GLIS3: variants seen among roughly 807,000 people sequenced by gnomAD.
GLIS3 encodes the protein GLIS family zinc finger 3.
Under a neutral mutation model 78.6 loss-of-function variants are expected in GLIS3, and 53 were observed. That is an observed-to-expected ratio of 0.67 (90% CI 0.54 to 0.85). The LOEUF (loss-of-function observed/expected upper bound fraction) is 0.85, where lower values mean the gene tolerates loss of function less well. Among genes scored for constraint, GLIS3 ranks in the 40% least tolerant of loss-of-function variants. The pLI, the probability that GLIS3 is intolerant of heterozygous loss-of-function variation, is 0.00. For synonymous variants in GLIS3, 684 were observed against 509.9 expected, an observed-to-expected ratio of 1.34 and a Z score of -4.60; for missense variants, 1,703 against 1,231.1, an observed-to-expected ratio of 1.38 and a Z score of -5.74.
At chr9:4,050,313 T>G (rs994428026) in intron 4 of GLIS3, among the ~76,000 whole-genome samples, 1 of 152,178 alleles carries the variant, frequency 6.6e-6, no homozygotes, top group Non-Finnish European at 1.5e-5. Flanking sequence ...TGGATGAAGC[T>G]GGAAACCATT....
chr9:3,964,027 C>A (rs1300536949), intron 4 of GLIS3, among the ~76,000 whole-genome samples: 1 of 152,080 alleles, frequency 6.6e-6, no homozygotes, highest in African/African-American at 2.4e-5. Flanking sequence ...ACTGCGTCCC[C>A]GCACACTAAC....
rs190213320 is a variant in GLIS3, at chr9:3,960,730, G to A, written c.1711-23541C>T. ...TGGGCAGATGAGAGAAAACTAGCACGTGGTGAATCAACAGAATTCACCAGT... is the reference window on the plus strand; with the variant it reads ...TGGGCAGATGAGAGAAAACTAGCACATGGTGAATCAACAGAATTCACCAGT... On this transcript the variant is annotated intron_variant, in intron 4 of 10. Transcript: ENST00000381971. Among the ~76,000 whole-genome samples, 494 of 152,290 alleles carry A rather than the reference G, an allele frequency of 3.2e-3. 5 individuals are homozygous for A. The highest frequency in any genetic ancestry group is 0.01 in the African/African-American group (421 of 41,550).
intron 2 of GLIS3, among the ~76,000 whole-genome samples, chr9:4,190,152 C>G (rs1326657968): frequency 6.6e-6 from 1 of 152,210 alleles, no homozygotes; most frequent in Non-Finnish European, 1.5e-5. Flanking sequence ...GAACGCAGCT[C>G]CTCACCAGCA....
the GLIS3 span, among the ~76,000 whole-genome samples, chr9:4,403,681 T>C: frequency 6.6e-6 from 1 of 152,082 alleles, no homozygotes; most frequent in Non-Finnish European, 1.5e-5. Context: ...AAAATAGTAT[T>C]TGCAAGACTC....
intron 2 of GLIS3, chr9:4,145,141 ACT>A (rs551521076): frequency 2.0e-5 from 3 of 152,312 alleles, no homozygotes; most frequent in Admixed American, 2.0e-4. Flanking sequence ...GGCTCTGAAA[ACT>A]GGTGAATCAA....
intron 2 of GLIS3, among the ~76,000 whole-genome samples, chr9:4,329,555 G>A (rs1455291839): frequency 6.6e-6 from 1 of 152,244 alleles, no homozygotes. Flanking sequence ...AGGCTAGAAA[G>A]CATTTAATAA....
At chr9:4,010,029 T>C (rs757318373) in intron 4 of GLIS3, among the ~76,000 whole-genome samples, 8 of 152,190 alleles carry the variant, frequency 5.3e-5, no homozygotes, top group East Asian at 3.9e-4. Context: ...TAATTCTTCA[T>C]TGTGGCGGGG....
chr9:4,404,343 G>C, the GLIS3 span, among the ~76,000 whole-genome samples: 1 of 152,048 alleles, frequency 6.6e-6, no homozygotes, highest in African/African-American at 2.4e-5. Flanking sequence ...ATAAACATTG[G>C]ACTAAATCTG....
intron 2 of GLIS3, among the ~76,000 whole-genome samples, chr9:4,250,503 C>G (rs968143430): frequency 3.9e-5 from 6 of 152,040 alleles, no homozygotes; most frequent in Non-Finnish European, 8.8e-5. Flanking sequence ...TGATTATTCT[C>G]TCTTTTCTTA....
the GLIS3 span, among the ~76,000 whole-genome samples, chr9:4,481,828 A>C: frequency 1.3e-5 from 2 of 152,218 alleles, no homozygotes; most frequent in African/African-American, 4.8e-5. Flanking sequence ...CTAATTGCCT[A>C]ACTGTCCTCA....
chr9:4,069,760 G>T (rs112169551), intron 4 of GLIS3, among the ~76,000 whole-genome samples: 1 of 152,028 alleles, frequency 6.6e-6, no homozygotes, highest in African/African-American at 2.4e-5. Flanking sequence ...CAGCTGTTTT[G>T]TTATTTTGCC....
At chr9:3,962,698 G>C (rs1361688149) in intron 4 of GLIS3, among the ~76,000 whole-genome samples, 5 of 152,138 alleles carry the variant, frequency 3.3e-5, no homozygotes, top group Non-Finnish European at 5.9e-5. Context: ...GGAGAAACAA[G>C]AGAAAGGGGG....
At chr9:4,086,519 A>G (rs1829033505) in intron 4 of GLIS3, among the ~76,000 whole-genome samples, 2 of 152,262 alleles carry the variant, frequency 1.3e-5, no homozygotes, top group Admixed American at 1.3e-4. Flanking sequence ...GGTGAATTCA[A>G]TAAAATTGAA....
At chr9:4,089,502 T>C (rs918372111) in intron 4 of GLIS3, among the ~76,000 whole-genome samples, 3 of 152,188 alleles carry the variant, frequency 2.0e-5, no homozygotes, top group Admixed American at 1.3e-4. Context: ...TGAGGAATTA[T>C]TAATGAAGAA....
At chr9:4,472,190 A>T in the GLIS3 span, among the ~76,000 whole-genome samples, 26,374 of 152,214 alleles carry the variant, frequency 0.17, 3,118 homozygotes, top group East Asian at 0.51. Flanking sequence ...ATTGTGGAAG[A>T]CAGTGTGGCG....
chr9:3,961,612 C>G (rs868639799), intron 4 of GLIS3, among the ~76,000 whole-genome samples: 5 of 152,274 alleles, frequency 3.3e-5, no homozygotes, highest in African/African-American at 1.2e-4. Flanking sequence ...AAATAGCATC[C>G]CGTTTTGAAA....
intron 2 of GLIS3, among the ~76,000 whole-genome samples, chr9:4,334,090 C>A (rs966714259): frequency 1.3e-5 from 2 of 152,256 alleles, no homozygotes; most frequent in African/African-American, 4.8e-5. Flanking sequence ...ATTTGAGTAT[C>A]AAGACAAACA....
At chr9:4,289,593 C>A (rs907693597) in intron 1 of GLIS3, among the ~76,000 whole-genome samples, 1 of 151,992 alleles carries the variant, frequency 6.6e-6, no homozygotes, top group African/African-American at 2.4e-5. Context: ...AAAATCCAAT[C>A]ACATTATTCT....
the GLIS3 span, among the ~76,000 whole-genome samples, chr9:4,367,626 T>C: frequency 2.0e-5 from 2 of 100,662 alleles, no homozygotes; most frequent in Non-Finnish European, 1.8e-5. Flanking sequence ...AGAGCGAGAC[T>C]CCATCTCAAA....
Sources: gnomAD v4.1 joint callset for allele counts (sites outside exome capture counted in the v4.1 genomes callset) on GRCh38, gnomAD v4.1.1 for gene constraint, MANE v1.5 for transcripts, NCBI Gene and HGNC (gene_info 2026-07-23, HGNC 2026-07-21) for gene names.